The following RORA variants were observed in gnomAD, a reference collection of about 807,000 sequenced individuals.
RORA encodes RAR related orphan receptor A.
RORA carries 7 observed loss-of-function variants against 69.5 expected under a neutral mutation model. The observed-to-expected ratio is 0.10, with a 90% CI of 0.06 to 0.19. The LOEUF (loss-of-function observed/expected upper bound fraction) is 0.19. Ranked by LOEUF, RORA falls within the 10% of genes least tolerant of loss-of-function variation. RORA has a pLI of 1.00. For missense variants in RORA, 457 were observed against 663.0 expected, an observed-to-expected ratio of 0.69 and a Z score of 3.41; for synonymous variants, 261 against 240.8, an observed-to-expected ratio of 1.08 and a Z score of -0.78.
intron 1 of RORA, among the ~76,000 whole-genome samples, chr15:60,702,064 TAGCTGAG>T (rs1304096000): frequency 6.6e-6 from 1 of 152,190 alleles, no homozygotes; most frequent in African/African-American, 2.4e-5. Context: ...TTTAGGATTA[TAGCTGAG>T]AGCACAGGCA....
chr15:60,614,064 A>G (rs1460462576), intron 2 of RORA, among the ~76,000 whole-genome samples: 1 of 152,170 alleles, frequency 6.6e-6, no homozygotes, highest in Non-Finnish European at 1.5e-5. Context: ...GGTTAGTAAA[A>G]AAATGGTCAT....
rs772301619 is a variant in RORA at position 60,503,522 on chromosome 15, G to C, written c.1075+13C>G. 2 of 1,613,162 alleles carry C rather than the reference G, an allele frequency of 1.2e-6. No individual in the cohort carries two copies. The highest frequency in any genetic ancestry group is 1.7e-6 in the Non-Finnish European group (2 of 1,179,454). ...TAGGAAGAGATCTCAAAATTCACTT[G>C]CAAAGCACATACCTGCTTTTAGAAG... is the stretch of plus-strand genomic sequence containing the variant. On this transcript the variant is annotated intron_variant, in intron 7 of 10. Coordinates refer to ENST00000335670, the MANE Select transcript of RORA (RefSeq NM_134261.3).
chr15:61,164,713 C>T lies in RORA; in HGVS notation c.166+64340G>A, dbSNP rs115883272. 6.1e-3 allele frequency among the ~76,000 whole-genome samples: 933 copies of T among 152,194 alleles called. 12 individuals are homozygous for T. The highest frequency in any genetic ancestry group is 0.022 in the African/African-American group (899 of 41,508). ...TGCATCAGTAAGGTCTAAATTAACA[C>T]TATGTTCTGTACCAGATCTGCAGAT... On this transcript the variant is annotated intron_variant, in intron 1 of 10. Transcript: ENST00000335670.
rs149902325 is a variant in RORA at position 60,737,973 on chromosome 15, C to T, written c.167-59287G>A. ...AACAGTTACAAGTGCAAGTTAAGTG[C>T]GTATTATTTCTCCTGGATTGGGTCA... On this transcript the variant is annotated intron_variant, in intron 1 of 10. Coordinates refer to ENST00000335670, the MANE Select transcript of RORA (RefSeq NM_134261.3). Among the ~76,000 whole-genome samples the T allele has an allele frequency of 2.8e-3, 422 of 152,278 alleles. 1 individual carries two copies. The highest frequency in any genetic ancestry group is 9.4e-3 in the African/African-American group (389 of 41,546).
At chr15:60,771,804 C>G (rs903723050) in intron 1 of RORA, among the ~76,000 whole-genome samples, 1 of 152,198 alleles carries the variant, frequency 6.6e-6, no homozygotes, top group Admixed American at 6.5e-5. Context: ...GTTGTCTCAT[C>G]TGGGAGAAGG....
intron 1 of RORA, among the ~76,000 whole-genome samples, chr15:61,207,307 A>T (rs749119024): frequency 6.6e-6 from 1 of 152,232 alleles, no homozygotes; most frequent in Non-Finnish European, 1.5e-5. Flanking sequence ...CTAGCCAAGG[A>T]TGGATTCCAG....
chr15:61,005,616 A>G (rs916329424), intron 1 of RORA, among the ~76,000 whole-genome samples: 5 of 152,198 alleles, frequency 3.3e-5, no homozygotes, highest in African/African-American at 1.2e-4. Flanking sequence ...ATACATACAC[A>G]CACATATATG....
At chr15:60,546,765 G>C (rs1047033803) in intron 2 of RORA, among the ~76,000 whole-genome samples, 1 of 152,202 alleles carries the variant, frequency 6.6e-6, no homozygotes, top group African/African-American at 2.4e-5. Context: ...TGTGACTGCA[G>C]TAAAAGCACC....
intron 1 of RORA, among the ~76,000 whole-genome samples, chr15:60,926,165 A>G (rs1566911769): frequency 6.6e-6 from 1 of 152,254 alleles, no homozygotes; most frequent in Non-Finnish European, 1.5e-5. Flanking sequence ...AGGCATCTCC[A>G]TATCTGCATT....
intron 1 of RORA, among the ~76,000 whole-genome samples, chr15:61,040,546 G>C (rs1896710580): frequency 6.6e-6 from 1 of 151,534 alleles, no homozygotes; most frequent in African/African-American, 2.4e-5. Context: ...ATGCATTTCA[G>C]GACATTTGAT....
Position 60,695,696 on chromosome 15 carries a change from G to A in RORA, c.167-17010C>T, listed in dbSNP as rs891923083. ...AGACACCAGGCACTTTTCAGCCAGC[G>A]CAACATTCTCATTTTTCATGATTCC... On this transcript the variant is annotated intron_variant, in intron 1 of 10. Transcript: ENST00000335670. Among the ~76,000 whole-genome samples the A allele has an allele frequency of 8.6e-5, 13 of 151,998 alleles. 1 individual carries two copies. Among genetic ancestry groups the A allele is most frequent in the East Asian group, 3.9e-4 (2 of 5,192 alleles).
chr15:61,103,650 C>T (rs914030118), intron 1 of RORA, among the ~76,000 whole-genome samples: 14 of 152,142 alleles, frequency 9.2e-5, no homozygotes, highest in Admixed American at 1.3e-4. Flanking sequence ...AGTGTGCACA[C>T]GTTTGGGGCT....
At chr15:60,613,317 C>A (rs1424295435) in intron 2 of RORA, among the ~76,000 whole-genome samples, 1 of 152,146 alleles carries the variant, frequency 6.6e-6, no homozygotes, top group Non-Finnish European at 1.5e-5. Context: ...CTCTTTGTTA[C>A]ATTTTCTCTG....
At chr15:60,910,606 G>C (rs1891678322) in intron 1 of RORA, among the ~76,000 whole-genome samples, 1 of 152,176 alleles carries the variant, frequency 6.6e-6, no homozygotes. Context: ...TGGGAGGACT[G>C]AGACTCAGAG....
intron 1 of RORA, among the ~76,000 whole-genome samples, chr15:61,096,320 C>T (rs1305230068): frequency 6.6e-6 from 1 of 152,158 alleles, no homozygotes; most frequent in Non-Finnish European, 1.5e-5. Context: ...AGTTCACAAG[C>T]AGTGCAGCAT....
chr15:60,991,367 A>C (rs1894371178), intron 1 of RORA, among the ~76,000 whole-genome samples: 1 of 152,182 alleles, frequency 6.6e-6, no homozygotes, highest in African/African-American at 2.4e-5. Flanking sequence ...GGGAGACTCA[A>C]ATGTGGGTTT....
chr15:61,141,858 G>T (rs1023082835), intron 1 of RORA, among the ~76,000 whole-genome samples: 1 of 152,204 alleles, frequency 6.6e-6, no homozygotes, highest in African/African-American at 2.4e-5. Context: ...GCTTGGATTG[G>T]ACTAACACCT....
At chr15:61,118,898 T>A (rs1247232103) in intron 1 of RORA, among the ~76,000 whole-genome samples, 1 of 152,090 alleles carries the variant, frequency 6.6e-6, no homozygotes, top group South Asian at 2.1e-4. Flanking sequence ...GTTCCTCTTG[T>A]CATGTGAAAC....
intron 1 of RORA, among the ~76,000 whole-genome samples, chr15:60,791,156 G>A (rs1567192486): frequency 6.6e-6 from 1 of 152,176 alleles, no homozygotes; most frequent in South Asian, 2.1e-4. Context: ...CATGGGCTCT[G>A]AGTTCAGGCC....
Sources: gnomAD v4.1 joint callset for allele counts (sites outside exome capture counted in the v4.1 genomes callset) on GRCh38, gnomAD v4.1.1 for gene constraint, MANE v1.5 for transcripts, NCBI Gene and HGNC (gene_info 2026-07-23, HGNC 2026-07-21) for gene names.